Variants in PHKA1 observed in about 807,000 individuals in gnomAD.
PHKA1 encodes phosphorylase b kinase regulatory subunit alpha, skeletal muscle isoform.
In PHKA1, 60 loss-of-function variants were observed where a neutral mutation model predicts 110.2. That is an observed-to-expected ratio of 0.54 (90% CI 0.44 to 0.68). The LOEUF (loss-of-function observed/expected upper bound fraction) is 0.68, where lower values mean the gene tolerates loss of function less well. Among genes scored for constraint, PHKA1 ranks in the 30% least tolerant of loss-of-function variants. The pLI is 0.00. For synonymous variants in PHKA1, 316 were observed against 333.6 expected (o/e 0.95, Z 0.58); for missense variants, 801 against 942.5 (o/e 0.85, Z 1.97).
chrX:72,651,906 C>T (rs1229272502), intron 12 of PHKA1, among the ~76,000 whole-genome samples: 2 of 111,589 alleles, frequency 1.8e-5, no homozygotes. Context: ...AGTAGACTTG[C>T]CAGATGATAT....
In PHKA1 at chrX:72,580,684, T is replaced by C; in HGVS notation, c.*318A>G. 3.2e-6 allele frequency: 1 copy of C among 314,559 alleles called. No homozygotes were observed. Among genetic ancestry groups the C allele is most frequent in the Non-Finnish European group, 5.6e-6 (1 of 179,120 alleles). The allele number at this position is 314,559 out of a possible 1,213,427, so 25.9% of individuals were successfully genotyped here. A position where few individuals can be genotyped will look rare whatever the true frequency, so the allele number is the denominator to read the frequency against. On this transcript the variant is annotated 3_prime_UTR_variant, in exon 32 of 32. Coordinates refer to ENST00000373542, the MANE Select transcript of PHKA1 (RefSeq NM_002637.4). Reference sequence around the variant, plus strand: ...CCCAAACAGGAGTTAGAAAACTATATTGGTAACAGATCTAGAGAATAAAAA... The same window carrying C: ...CCCAAACAGGAGTTAGAAAACTATACTGGTAACAGATCTAGAGAATAAAAA...
At chrX:72,700,521 T>A (rs1401942029) in intron 3 of PHKA1, among the ~76,000 whole-genome samples, 3 of 112,054 alleles carry the variant, frequency 2.7e-5, no homozygotes, top group African/African-American at 9.7e-5. Context: ...GTTCCAAAAT[T>A]ATGAGAAACT....
rs189921172 is a variant in PHKA1, at chrX:72,632,361, T to G, written c.1714+2794A>C. On this transcript the variant is annotated intron_variant, in intron 16 of 31. Transcript: ENST00000373542. ...TCACATTATTGAGTACATAAAATTTTATATATGTTATATCATGTTGGTGTA... is the reference window on the plus strand; with the variant it reads ...TCACATTATTGAGTACATAAAATTTGATATATGTTATATCATGTTGGTGTA... 2.8e-3 allele frequency among the ~76,000 whole-genome samples: 318 copies of G among 111,918 alleles called. 1 individual carries two copies. Among genetic ancestry groups the G allele is most frequent in the Non-Finnish European group, 4.9e-3 (260 of 53,126 alleles).
At chrX:72,699,875 ATC>A (rs2054184872) in intron 3 of PHKA1, among the ~76,000 whole-genome samples, 2 of 112,108 alleles carry the variant, frequency 1.8e-5, no homozygotes, top group East Asian at 5.6e-4. Flanking sequence ...GCCAGGGACT[ATC>A]GTGGAAGAAG....
chrX:72,632,639 T>C (rs782550956), intron 16 of PHKA1, among the ~76,000 whole-genome samples: 5 of 111,772 alleles, frequency 4.5e-5, no homozygotes, highest in Non-Finnish European at 7.5e-5. Context: ...TCTTTGTCTG[T>C]AATATGAGAA....
At chrX:72,623,376 G>A (rs1402681581) in intron 17 of PHKA1, 101 bp from the exon 18 acceptor site, 1 of 622,988 alleles carries the variant, frequency 1.6e-6, no homozygotes, top group Non-Finnish European at 2.6e-6. Context: ...TTTGTTGGGG[G>A]ATTACTAATG....
chrX:72,662,691 G>A (rs367950569), intron 8 of PHKA1, among the ~76,000 whole-genome samples: 9 of 111,590 alleles, frequency 8.1e-5, no homozygotes, highest in East Asian at 2.8e-4. Context: ...CCCCAGGCCC[G>A]GAAATCAGTC....
Position 72,584,244 on chromosome X carries a change from C to T in PHKA1, c.3297+5G>A, listed in dbSNP as rs781901953. On this transcript the variant is annotated splice_donor_5th_base_variant and intron_variant, in intron 30 of 31. Coordinates refer to ENST00000373542, the MANE Select transcript of PHKA1 (RefSeq NM_002637.4). ...CACATAAATGTGCAAGAAAGAGACT[C>T]TTACCTCTCTAGTGGTAGAGGAAGG... 2.7e-5 allele frequency: 32 copies of T among 1,192,642 alleles called. No individual in the cohort carries two copies. The East Asian group carries it at 9.2e-4, about 34-fold the overall frequency.
intron 2 of PHKA1, chrX:72,712,219 G>C (rs782058024): frequency 1.8e-4 from 21 of 115,787 alleles, no homozygotes; most frequent in Non-Finnish European, 3.6e-4. Context: ...CTTAAAAGTT[G>C]GCTTAAAGGC....
At chrX:72,681,438 G>T (rs1556315145) in intron 5 of PHKA1, among the ~76,000 whole-genome samples, 1 of 106,593 alleles carries the variant, frequency 9.4e-6, no homozygotes, top group African/African-American at 3.4e-5. Context: ...CCATCCGGGA[G>T]GGAGGTGGGG....
chrX:72,629,734 G>C (rs782733963), intron 16 of PHKA1, among the ~76,000 whole-genome samples: 9 of 110,856 alleles, frequency 8.1e-5, no homozygotes, highest in Non-Finnish European at 1.5e-4. Context: ...CTTCTTATGG[G>C]TTACTTTTAC....
intron 8 of PHKA1, among the ~76,000 whole-genome samples, chrX:72,662,196 G>A (rs1322073599): frequency 6.2e-5 from 7 of 112,140 alleles, no homozygotes; most frequent in Middle Eastern, 4.6e-3. Flanking sequence ...TACATGTTGT[G>A]CACTTCCTAT....
chrX:72,709,068 C>T (rs1409482335), intron 2 of PHKA1, among the ~76,000 whole-genome samples: 3 of 111,073 alleles, frequency 2.7e-5, no homozygotes, highest in Non-Finnish European at 5.7e-5. Context: ...ACAGTATATG[C>T]AGATGAAACT....
chrX:72,587,708 C>T (rs1476907133), intron 29 of PHKA1, among the ~76,000 whole-genome samples: 1 of 111,039 alleles, frequency 9.0e-6, no homozygotes, highest in African/African-American at 3.3e-5. Flanking sequence ...CAGAGACACA[C>T]ATAGGCTCAA....
At chrX:72,656,285 A>T (rs782610611) in intron 9 of PHKA1, 43 bp from the exon 10 acceptor site, 1 of 1,176,390 alleles carries the variant, frequency 8.5e-7, no homozygotes, top group Admixed American at 2.2e-5. Context: ...CAGAGGTTAG[A>T]TGTATATCTT....
chrX:72,692,356 C>T (rs1187447310), intron 4 of PHKA1, among the ~76,000 whole-genome samples: 2 of 111,625 alleles, frequency 1.8e-5, no homozygotes, highest in African/African-American at 6.5e-5. Flanking sequence ...GTAATGGCTT[C>T]ACAGAATGAG....
chrX:72,609,800 A>C, intron 22 of PHKA1, 97 bp from the exon 23 acceptor site: 1 of 594,086 alleles, frequency 1.7e-6, no homozygotes. Context: ...CCTCTTTAAC[A>C]TAATGACACA....
At chrX:72,712,352 G>T (rs954205331) in intron 2 of PHKA1, 3 of 166,771 alleles carry the variant, frequency 1.8e-5, no homozygotes, top group African/African-American at 9.3e-5. Flanking sequence ...TAGTCCAGAA[G>T]GTTTGCTGAT....
chrX:72,610,961 T>C, intron 22 of PHKA1, 67 bp downstream of exon 22: 14 of 900,148 alleles, frequency 1.6e-5, no homozygotes, highest in Non-Finnish European at 2.2e-5. Flanking sequence ...TAAAAAACAA[T>C]TATAGAAACC....
Sources: gnomAD v4.1 joint callset for allele counts (sites outside exome capture counted in the v4.1 genomes callset) on GRCh38, gnomAD v4.1.1 for gene constraint, MANE v1.5 for transcripts, NCBI Gene and HGNC (gene_info 2026-07-23, HGNC 2026-07-21) for gene names.